ZNF875: variants seen among roughly 807,000 people sequenced by gnomAD.
ZNF875 encodes zinc finger protein 875, also known as HKR1, GLI-Kruppel zinc finger family member.
ZNF875 carries 14 observed loss-of-function variants against 11.2 expected under a neutral mutation model. That is an observed-to-expected ratio of 1.26 (90% CI 0.83 to 1.96). The LOEUF (loss-of-function observed/expected upper bound fraction) is 1.96. Among genes scored for constraint, ZNF875 ranks in the 30% most tolerant of loss-of-function variants. ZNF875 has a pLI of 0.00. For missense variants in ZNF875, 752 were observed against 760.4 expected (o/e 0.99, Z 0.13); for synonymous variants, 301 against 281.1 (o/e 1.07, Z -0.71).
rs1299921479 is a variant in ZNF875 at position 37,362,871 on chromosome 19, G to A, written c.1019G>A (p.Cys340Tyr). 6.2e-7 allele frequency: 1 copy of A among 1,613,986 alleles called. No homozygotes were observed. Among genetic ancestry groups the A allele is most frequent in the Non-Finnish European group, 8.5e-7 (1 of 1,180,024 alleles). The change falls in exon 5 of 5, where the codon TGC becomes TAC. Residue 340 changes from cysteine (C) to tyrosine (Y), a missense_variant. Physicochemically the swap from Cys to Tyr is radical, Grantham distance 194 (BLOSUM62 -2). Coordinates refer to ENST00000392153, the MANE Select transcript of ZNF875 (RefSeq NM_001353803.2). ...CACTCAGGGCTCAAGCCTTATGTGT[G>A]CAAGGAATGTGGGCAGAGCTTTAGC... is the stretch of plus-strand genomic sequence containing the variant. The part of the protein sequence containing the change: ...RTHSGLKPYV[C>Y]KECGQSFSLK...
At chr19:37,349,182 A>C (rs763334541) in intron 4 of ZNF875, among the ~76,000 whole-genome samples, 1 of 152,182 alleles carries the variant, frequency 6.6e-6, no homozygotes, top group Non-Finnish European at 1.5e-5. Flanking sequence ...GACATTATTC[A>C]TACTGGATTA....
intron 4 of ZNF875, among the ~76,000 whole-genome samples, chr19:37,325,511 A>G (rs2032275782): frequency 6.6e-6 from 1 of 152,102 alleles, no homozygotes; most frequent in South Asian, 2.1e-4. Context: ...TATCACTTCA[A>G]CATCTTATCA....
chr19:37,363,241 A>C lies in ZNF875; in HGVS notation c.1389A>C (p.Ser463=), dbSNP rs757418769. 10 of 1,613,514 alleles carry C rather than the reference A, an allele frequency of 6.2e-6. No homozygotes were observed. Among genetic ancestry groups the C allele is most frequent in the Non-Finnish European group, 8.5e-6 (10 of 1,179,892 alleles). ...GCGGGCAGTGCTTTAGCCTGAAGTC[A>C]AACCTTAACAAACACCAGAGGTCAC... is the stretch of plus-strand genomic sequence containing the variant. The part of the protein sequence containing the change: ...LECGQCFSLK[S]NLNKHQRSHT... The change falls in exon 5 of 5, where the codon TCA becomes TCC. Residue 463 remains serine (S), a synonymous_variant. Coordinates refer to ENST00000392153, the MANE Select transcript of ZNF875 (RefSeq NM_001353803.2).
upstream of ZNF875, chr19:37,317,229 A>G (rs1599839542): frequency 8.8e-6 from 1 of 113,884 alleles, no homozygotes; most frequent in African/African-American, 3.5e-5. Flanking sequence ...TCTGTCGCTC[A>G]GGCTGGAGTG....
upstream of ZNF875, among the ~76,000 whole-genome samples, chr19:37,333,784 C>T (rs946617103): frequency 4.0e-5 from 6 of 151,662 alleles, no homozygotes. Flanking sequence ...TAAAGGGTCA[C>T]CAAAAAAACT....
intron 4 of ZNF875, 41 bp from the exon 5 acceptor site, chr19:37,362,068 C>A: frequency 6.9e-7 from 1 of 1,445,340 alleles, no homozygotes; most frequent in South Asian, 1.3e-5. Context: ...GCCTACACAG[C>A]CCTACCTATG....
rs184537012 is a variant in ZNF875, at chr19:37,340,805, C to T, written c.33+5548C>T. Among the ~76,000 whole-genome samples the T allele has an allele frequency of 7.1e-3, 1,073 of 151,932 alleles. 13 individuals carry two copies. Among genetic ancestry groups the T allele is most frequent in the African/African-American group, 0.024 (1,002 of 41,436 alleles). On this transcript the variant is annotated intron_variant, in intron 2 of 4. Coordinates refer to ENST00000392153, the MANE Select transcript of ZNF875 (RefSeq NM_001353803.2). The stretch of plus-strand genomic sequence containing the variant: ...CTGGGACTACAGGTGCCGACCACCA[C>T]GCCCGGCTAATTTTTTGTATTGTTA...
At chr19:37,343,473 C>G (rs889158073) in intron 2 of ZNF875, among the ~76,000 whole-genome samples, 2 of 151,876 alleles carry the variant, frequency 1.3e-5, no homozygotes, top group Non-Finnish European at 2.9e-5. Flanking sequence ...AGCTGATCCT[C>G]TTGGCATCCT....
intron 4 of ZNF875, among the ~76,000 whole-genome samples, 173 bp downstream of exon 4, chr19:37,348,045 C>G (rs2037158981): frequency 6.6e-6 from 1 of 152,098 alleles, no homozygotes; most frequent in Admixed American, 6.5e-5. Flanking sequence ...GGAGGGACTT[C>G]CCTGGTTCCC....
upstream of ZNF875, among the ~76,000 whole-genome samples, chr19:37,313,660 A>G (rs1229095890): frequency 6.6e-6 from 1 of 152,132 alleles, no homozygotes; most frequent in Non-Finnish European, 1.5e-5. Flanking sequence ...TCCAGGATGT[A>G]TAGAACCTCA....
chr19:37,344,521 C>A (rs1354525501), intron 2 of ZNF875: 7 of 619,262 alleles, frequency 1.1e-5, no homozygotes, highest in East Asian at 8.4e-5. Context: ...CTCCATCTTA[C>A]AAATGACGAA....
chr19:37,347,480 C>G (rs2146281845), intron 3 of ZNF875, 164 bp downstream of exon 3: 6 of 664,076 alleles, frequency 9.0e-6, no homozygotes, highest in Non-Finnish European at 1.5e-5. Flanking sequence ...TGAAAGCAGA[C>G]AGATTGATTT....
chr19:37,363,455 A>G lies in ZNF875; in HGVS notation c.1603A>G (p.Met535Val). 1 of 1,613,808 alleles carries G rather than the reference A, an allele frequency of 6.2e-7. No individual in the cohort carries two copies. ...QRTHSGEKPFMCRECGRRFRQ... is the reference protein window; with the variant it reads ...QRTHSGEKPFVCRECGRRFRQ... Reference sequence around the variant, plus strand: ...GACACATTCAGGGGAAAAGCCTTTTATGTGCAGGGAGTGTGGCAGAAGGTT... The same window carrying G: ...GACACATTCAGGGGAAAAGCCTTTTGTGTGCAGGGAGTGTGGCAGAAGGTT... The change falls in exon 5 of 5, where the codon ATG becomes GTG. Residue 535 changes from methionine (M) to valine (V), a missense_variant. Coordinates refer to ENST00000392153, the MANE Select transcript of ZNF875 (RefSeq NM_001353803.2).
intron 4 of ZNF875, among the ~76,000 whole-genome samples, chr19:37,354,434 G>A (rs1345450775): frequency 6.6e-6 from 1 of 151,202 alleles, no homozygotes; most frequent in Non-Finnish European, 1.5e-5. Flanking sequence ...GTAGTTATTT[G>A]TTATATTTTA....
chr19:37,327,942 A>G (rs2032778658), intron 4 of ZNF875, among the ~76,000 whole-genome samples: 1 of 152,006 alleles, frequency 6.6e-6, no homozygotes, highest in Non-Finnish European at 1.5e-5. Context: ...TTAGAGTTGC[A>G]GTGAGAAGGG....
chr19:37,314,353 T>C (rs1368559222), upstream of ZNF875, among the ~76,000 whole-genome samples: 1 of 152,160 alleles, frequency 6.6e-6, no homozygotes, highest in Non-Finnish European at 1.5e-5. Flanking sequence ...TGGGCTCAAA[T>C]GATACTCCCA....
At chr19:37,338,860 A>G (rs1169928226) in intron 2 of ZNF875, among the ~76,000 whole-genome samples, 1 of 152,214 alleles carries the variant, frequency 6.6e-6, no homozygotes, top group Non-Finnish European at 1.5e-5. Flanking sequence ...CTTGATATGC[A>G]TGGCATCTGA....
upstream of ZNF875, among the ~76,000 whole-genome samples, chr19:37,331,231 C>CTTTT (rs142005460): frequency 3.1e-5 from 2 of 63,830 alleles, no homozygotes; most frequent in Non-Finnish European, 5.2e-5. Flanking sequence ...TAACTCCTTG[C>CTTTT]TTTTTTTTTT....
intron 2 of ZNF875, among the ~76,000 whole-genome samples, chr19:37,345,546 AAATG>A (rs1272744746): frequency 1.3e-5 from 2 of 152,176 alleles, no homozygotes; most frequent in Admixed American, 1.3e-4. Context: ...GCATGTACCT[AAATG>A]AATGACGCTG....
Sources: gnomAD v4.1 joint callset for allele counts (sites outside exome capture counted in the v4.1 genomes callset) on GRCh38, gnomAD v4.1.1 for gene constraint, MANE v1.5 for transcripts, NCBI Gene and HGNC (gene_info 2026-07-23, HGNC 2026-07-21) for gene names.